The following UNC80 variants were observed in gnomAD, a reference collection of about 807,000 sequenced individuals.
UNC80 encodes unc-80 subunit of NALCN channel complex.
A neutral mutation model predicts 384.6 loss-of-function variants in UNC80; 164 were observed. The ratio of observed to expected loss-of-function variants is 0.43; its 90% CI spans 0.38 to 0.49. The LOEUF (loss-of-function observed/expected upper bound fraction) is 0.49. Ranked by LOEUF, UNC80 falls within the 20% of genes least tolerant of loss-of-function variation. The pLI is 0.00. For synonymous variants in UNC80, 1,486 were observed against 1,527.8 expected (o/e 0.97, Z 0.64); for missense variants, 3,330 against 4,143.0 (o/e 0.80, Z 5.39).
At chr2:209,967,871 C>CCTG in intron 52 of UNC80, 1 of 420,292 alleles carries the variant, frequency 2.4e-6, no homozygotes, top group Admixed American at 4.0e-5. Flanking sequence ...CTATCCATTT[C>CCTG]TTAGCTATCA....
At chr2:209,951,639 T>A (rs1378843500) in intron 47 of UNC80, 3 of 152,264 alleles carry the variant, frequency 2.0e-5, no homozygotes, top group Non-Finnish European at 4.4e-5. Context: ...ATTTTCTCTT[T>A]GCTTTGGGTT....
intron 25 of UNC80, among the ~76,000 whole-genome samples, chr2:209,885,085 GA>G (rs371565099): frequency 1.8e-4 from 26 of 142,572 alleles, no homozygotes; most frequent in African/African-American, 3.6e-4. Context: ...TTTAAAAAAA[GA>G]AAAAAAAAAC....
chr2:209,969,523 C>G (rs1336730172), intron 52 of UNC80: 3 of 497,468 alleles, frequency 6.0e-6, no homozygotes, highest in African/African-American at 2.0e-5. Context: ...AATTAAAATG[C>G]AACCCATTCA....
At chr2:209,931,903 A>G (rs114432119) in intron 38 of UNC80, among the ~76,000 whole-genome samples, 2,754 of 152,314 alleles carry the variant, frequency 0.018, 92 homozygotes, top group African/African-American at 0.063. Context: ...GGTGGTTTTC[A>G]GTCTCTCTTG....
At chr2:209,785,714 AT>A (rs2077387000) in intron 4 of UNC80, among the ~76,000 whole-genome samples, 1 of 152,312 alleles carries the variant, frequency 6.6e-6, no homozygotes, top group Admixed American at 6.5e-5. Flanking sequence ...AAGAGGAATG[AT>A]AATAATAACC....
intron 25 of UNC80, among the ~76,000 whole-genome samples, chr2:209,886,640 G>A (rs2085834317): frequency 6.6e-6 from 1 of 152,208 alleles, no homozygotes; most frequent in African/African-American, 2.4e-5. Flanking sequence ...CCTCTTAGAA[G>A]GGAGTAAGAA....
intron 7 of UNC80, chr2:209,809,156 A>G (rs2079147422): frequency 6.6e-6 from 4 of 609,962 alleles, no homozygotes; most frequent in Admixed American, 2.7e-5. Context: ...TTGGAGGCGG[A>G]GGCCGATACC....
chr2:209,864,378 G>A (rs2083558886), intron 22 of UNC80, among the ~76,000 whole-genome samples: 1 of 152,156 alleles, frequency 6.6e-6, no homozygotes, highest in Non-Finnish European at 1.5e-5. Flanking sequence ...CTTTGGTGGA[G>A]GGGGTGTGCC....
intron 59 of UNC80, among the ~76,000 whole-genome samples, chr2:209,981,045 G>T (rs2093145350): frequency 6.6e-6 from 1 of 152,142 alleles, no homozygotes; most frequent in Non-Finnish European, 1.5e-5. Flanking sequence ...AAAATTGCTA[G>T]CACGTTTTAT....
intron 22 of UNC80, among the ~76,000 whole-genome samples, chr2:209,867,277 T>A (rs1432045205): frequency 6.6e-6 from 1 of 152,216 alleles, no homozygotes; most frequent in East Asian, 1.9e-4. Flanking sequence ...TCCATCTTCC[T>A]AAGTGACGCC....
Position 209,894,331 on chromosome 2 carries a change from A to G in UNC80, c.4445A>G (p.Gln1482Arg). ...TCAGAGTCTGAGGCTGAGGAGCTGC[A>G]GCTGTCCCAGAGCAGGGACACTGTC... ...QDSESEAEELQLSQSRDTVTD... is the reference protein window; with the variant it reads ...QDSESEAEELRLSQSRDTVTD... The change falls in exon 27 of 65, where the codon CAG (glutamine) becomes CGG (arginine). Residue 1482 changes from glutamine (Q) to arginine (R), a missense_variant. Physicochemically the swap from Gln to Arg is conservative, Grantham distance 43 (BLOSUM62 1). Coordinates refer to ENST00000673920, the MANE Select transcript of UNC80 (RefSeq NM_001371986.1). 2.0e-6 allele frequency: 2 copies of G among 985,382 alleles called. No homozygotes were observed. The highest frequency in any genetic ancestry group is 2.4e-6 in the Non-Finnish European group (2 of 829,912). 61.0% of individuals were successfully genotyped at this position (985,382 alleles called of 1,614,324 possible).
At chr2:209,972,176 CT>C in intron 54 of UNC80, 24 bp from the exon 55 acceptor site, 1 of 1,547,336 alleles carries the variant, frequency 6.5e-7, no homozygotes, top group Non-Finnish European at 8.7e-7. Flanking sequence ...GTCAATTAAT[CT>C]TTTCTTCTAT....
At chr2:209,914,679 GTGTA>G (rs1323917495) in intron 31 of UNC80, among the ~76,000 whole-genome samples, 142 of 149,780 alleles carry the variant, frequency 9.5e-4, no homozygotes, top group African/African-American at 3.4e-3. Context: ...GTGTGTGTGT[GTGTA>G]TATAAATACA....
rs747100273 is a variant in UNC80 at position 209,978,517 on chromosome 2, C to T, written c.8939-12C>T. The T allele has an allele frequency of 2.8e-5, 43 of 1,524,100 alleles. No individual in the cohort carries two copies. The highest frequency in any genetic ancestry group is 3.7e-5 in the Non-Finnish European group (42 of 1,126,246). The allele number at this position is 1,524,100 out of a possible 1,614,324, so 94.4% of individuals were successfully genotyped here. ...TCACCATGCATTTCCTTTGGTCTCT[C>T]GCATCCTCTAGCCTACCAAGGCAAG... is the stretch of plus-strand genomic sequence containing the variant. On this transcript the variant is annotated splice_polypyrimidine_tract_variant and intron_variant, in intron 58 of 64. Coordinates refer to ENST00000673920, the MANE Select transcript of UNC80 (RefSeq NM_001371986.1).
At chr2:209,829,990 A>T (rs1338724815) in intron 15 of UNC80, among the ~76,000 whole-genome samples, 1 of 152,366 alleles carries the variant, frequency 6.6e-6, no homozygotes, top group South Asian at 2.1e-4. Context: ...GGAGACCAAT[A>T]AGTGTTAACT....
At chr2:209,888,772 C>T (rs189943262) in intron 26 of UNC80, among the ~76,000 whole-genome samples, 31 of 152,014 alleles carry the variant, frequency 2.0e-4, no homozygotes, top group African/African-American at 3.6e-4. Context: ...CCCGCCACCA[C>T]GCCCGGCTAA....
intron 17 of UNC80, 84 bp downstream of exon 17, chr2:209,834,252 T>C (rs781043726): frequency 6.4e-6 from 9 of 1,415,040 alleles, no homozygotes; most frequent in African/African-American, 2.9e-5. Flanking sequence ...GTGGTTCCTG[T>C]GCTGAAATGT....
chr2:209,905,077 G>A (rs2088021304), intron 29 of UNC80, 112 bp downstream of exon 29: 3 of 1,104,024 alleles, frequency 2.7e-6, no homozygotes, highest in East Asian at 2.6e-5. Context: ...AATCAGGTCT[G>A]TGTGCATCTA....
intron 38 of UNC80, among the ~76,000 whole-genome samples, chr2:209,931,515 T>A (rs1168001122): frequency 6.6e-6 from 1 of 152,094 alleles, no homozygotes; most frequent in Non-Finnish European, 1.5e-5. Flanking sequence ...TCTTTTCTGA[T>A]CCTCTGAGAC....
Sources: allele counts gnomAD v4.1 joint callset (sites outside exome capture counted in the v4.1 genomes callset), GRCh38; gene constraint gnomAD v4.1.1; transcripts MANE v1.5; gene names NCBI Gene and HGNC (gene_info 2026-07-23, HGNC 2026-07-21).